The following PABPC4L variants were observed in gnomAD, a reference collection of about 807,000 sequenced individuals.
The protein encoded by PABPC4L is polyadenylate-binding protein 4-like.
For synonymous variants in PABPC4L, 169 were observed against 164.1 expected (o/e 1.03, Z -0.23); for missense variants, 452 against 451.4 (o/e 1.00, Z -0.01).
At chr4:133,983,790 A>G in the PABPC4L span, among the ~76,000 whole-genome samples, 6 of 151,852 alleles carry the variant, frequency 4.0e-5, no homozygotes, top group Non-Finnish European at 8.9e-5. Flanking sequence ...CAGAAAGTGT[A>G]ATTCCTGAAA....
At chr4:134,037,651 T>C in the PABPC4L span, among the ~76,000 whole-genome samples, 3 of 152,128 alleles carry the variant, frequency 2.0e-5, no homozygotes, top group Non-Finnish European at 4.4e-5. Context: ...TTAATAAACA[T>C]GTGAAAAACA....
chr4:133,965,678 C>T, the PABPC4L span, among the ~76,000 whole-genome samples: 1 of 152,072 alleles, frequency 6.6e-6, no homozygotes, highest in African/African-American at 2.4e-5. Context: ...TTGCAGCCAA[C>T]TGATCTTTGA....
chr4:134,110,507 AAT>A, the PABPC4L span, among the ~76,000 whole-genome samples: 1 of 151,924 alleles, frequency 6.6e-6, no homozygotes, highest in Non-Finnish European at 1.5e-5. Flanking sequence ...AGAAAAGTAC[AAT>A]AAAATCCCCC....
chr4:134,004,326 C>T, the PABPC4L span, among the ~76,000 whole-genome samples: 7 of 151,590 alleles, frequency 4.6e-5, no homozygotes, highest in African/African-American at 1.7e-4. Context: ...AAAACAAGGG[C>T]GAAGGACCTG....
At chr4:133,953,810 C>T in the PABPC4L span, among the ~76,000 whole-genome samples, 2 of 152,142 alleles carry the variant, frequency 1.3e-5, no homozygotes, top group Non-Finnish European at 2.9e-5. Flanking sequence ...CTAATCATTC[C>T]CCTCTCTTCC....
chr4:133,981,441 T>C, the PABPC4L span, among the ~76,000 whole-genome samples: 1 of 152,126 alleles, frequency 6.6e-6, no homozygotes, highest in African/African-American at 2.4e-5. Context: ...AACAATTCTA[T>C]TGAAAAAAAT....
the PABPC4L span, among the ~76,000 whole-genome samples, chr4:134,049,813 A>G: frequency 6.6e-6 from 1 of 152,214 alleles, no homozygotes; most frequent in African/African-American, 2.4e-5. Context: ...ATTAACTGAT[A>G]TTCAGTTATC....
At chr4:133,989,484 C>T in the PABPC4L span, among the ~76,000 whole-genome samples, 1 of 152,196 alleles carries the variant, frequency 6.6e-6, no homozygotes, top group South Asian at 2.1e-4. Context: ...TTTCTCATCT[C>T]CATCTGAGAC....
chr4:133,967,391 A>G, the PABPC4L span, among the ~76,000 whole-genome samples: 1 of 152,194 alleles, frequency 6.6e-6, no homozygotes, highest in Non-Finnish European at 1.5e-5. Flanking sequence ...ACAGATAAAC[A>G]TATGAGTATG....
At chr4:134,112,612 AT>A in the PABPC4L span, among the ~76,000 whole-genome samples, 2 of 150,240 alleles carry the variant, frequency 1.3e-5, no homozygotes, top group African/African-American at 5.0e-5. Flanking sequence ...CTATCTATCT[AT>A]CTATATATCT....
At chr4:133,980,545 C>A in the PABPC4L span, among the ~76,000 whole-genome samples, 6 of 152,058 alleles carry the variant, frequency 3.9e-5, no homozygotes, top group South Asian at 2.1e-4. Context: ...CACACACACA[C>A]GAGACAGGGA....
chr4:134,043,886 C>T, the PABPC4L span, among the ~76,000 whole-genome samples: 15 of 150,796 alleles, frequency 9.9e-5, no homozygotes, highest in African/African-American at 3.2e-4. Flanking sequence ...TAGTTCTACC[C>T]ATATATGCTG....
At chr4:134,162,896 C>T in the PABPC4L span, among the ~76,000 whole-genome samples, 1 of 152,012 alleles carries the variant, frequency 6.6e-6, no homozygotes, top group Non-Finnish European at 1.5e-5. Context: ...GTGCTAAATG[C>T]CTACATCAAA....
the PABPC4L span, among the ~76,000 whole-genome samples, chr4:134,191,331 T>G: frequency 6.6e-6 from 1 of 152,244 alleles, no homozygotes; most frequent in Middle Eastern, 3.4e-3. Context: ...CAACAGTATA[T>G]ACCAACTACA....
chr4:134,171,211 G>A, the PABPC4L span, among the ~76,000 whole-genome samples: 1 of 152,062 alleles, frequency 6.6e-6, no homozygotes, highest in Non-Finnish European at 1.5e-5. Context: ...CACCTCCCAG[G>A]TTCAAGCAAT....
chr4:134,059,661 T>G, the PABPC4L span, among the ~76,000 whole-genome samples: 2 of 151,432 alleles, frequency 1.3e-5, no homozygotes, highest in African/African-American at 4.8e-5. Context: ...ATAGAAAAAT[T>G]TTAACAAAGT....
the PABPC4L span, among the ~76,000 whole-genome samples, chr4:134,142,798 A>C: frequency 6.6e-6 from 1 of 151,668 alleles, no homozygotes; most frequent in African/African-American, 2.4e-5. Context: ...TTCAGCAGGA[A>C]GTTTTGGTGC....
chr4:134,127,357 T>G, the PABPC4L span, among the ~76,000 whole-genome samples: 1 of 151,866 alleles, frequency 6.6e-6, no homozygotes, highest in African/African-American at 2.4e-5. Flanking sequence ...ACAAAACCAG[T>G]GTACTAAACA....
chr4:134,003,766 T>A, the PABPC4L span, among the ~76,000 whole-genome samples: 1 of 151,836 alleles, frequency 6.6e-6, no homozygotes, highest in African/African-American at 2.4e-5. Flanking sequence ...CATGGGAGCA[T>A]CAAGAAATCT....
Sources: gnomAD v4.1 joint callset for allele counts (sites outside exome capture counted in the v4.1 genomes callset) on GRCh38, gnomAD v4.1.1 for gene constraint, MANE v1.5 for transcripts, NCBI Gene and HGNC (gene_info 2026-07-23, HGNC 2026-07-21) for gene names.